Variants in DBNL observed in about 807,000 individuals in gnomAD.
DBNL encodes the protein drebrin-like protein.
A neutral mutation model predicts 62.2 loss-of-function variants in DBNL; 35 were observed. The observed-to-expected ratio is 0.56, with a 90% CI of 0.43 to 0.75. DBNL has a LOEUF of 0.75. Among genes scored for constraint, DBNL ranks in the 30% least tolerant of loss-of-function variants. The pLI is 0.00. For synonymous variants in DBNL, 197 were observed against 218.0 expected (o/e 0.90, Z 0.85); for missense variants, 495 against 578.4 (o/e 0.86, Z 1.48).
chr7:44,044,772 T>C lies in DBNL; in HGVS notation c.35T>C (p.Leu12Pro). Residue 12 changes from leucine to proline, a missense_variant, in exon 1 of 13, where the codon CTG becomes CCG. Leu to Pro is a moderately conservative substitution (Grantham distance 98). Transcript: ENST00000448521. The stretch of plus-strand genomic sequence containing the variant: ...AACCTGAGCCGGAACGGGCCAGCGC[T>C]GCAAGAGGCCTACGTGCGGGTGGTC... ...AANLSRNGPA[L>P]QEAYVRVVTE... 6.6e-7 allele frequency: 1 copy of C among 1,506,846 alleles called. No homozygotes were observed. The highest frequency in any genetic ancestry group is 8.9e-7 in the Non-Finnish European group (1 of 1,128,578). The allele number at this position is 1,506,846 out of a possible 1,614,324, so 93.3% of individuals were successfully genotyped here.
In DBNL at chr7:44,061,430, T is replaced by C. The variant is rs2096148905; in HGVS notation, c.*514T>C. 1 of 158,940 alleles carries C rather than the reference T, an allele frequency of 6.3e-6. No homozygotes were observed. Among genetic ancestry groups the C allele is most frequent in the African/African-American group, 2.4e-5 (1 of 41,536 alleles). 9.8% of individuals were successfully genotyped at this position (158,940 alleles called of 1,614,324 possible). The stretch of plus-strand genomic sequence containing the variant: ...TGGTTTGGCAGCAGGGAATTTGTCT[T>C]GTTGGAGCCTGCTCTGTGCTCCCCA... On this transcript the variant is annotated 3_prime_UTR_variant, in exon 13 of 13. Transcript: ENST00000448521.
chr7:44,068,074 C>A lies in DBNL; in HGVS notation c.*7158C>A, dbSNP rs578243579. The A allele has an allele frequency of 6.6e-6, 1 of 152,132 alleles. No individual in the cohort carries two copies. Among genetic ancestry groups the A allele is most frequent in the East Asian group, 1.9e-4 (1 of 5,186 alleles). 9.4% of individuals were successfully genotyped at this position (152,132 alleles called of 1,614,324 possible). On this transcript the variant is annotated 3_prime_UTR_variant, in exon 13 of 13. Coordinates refer to ENST00000448521, the MANE Select transcript of DBNL (RefSeq NM_001014436.3). ...GGAGGTGGCAGTGGTGGCACAGTGA[C>A]GGTAGTGTGAGCTGGGTACGCACTT...
Position 44,065,194 on chromosome 7 carries a change from C to T in DBNL, c.*4278C>T. Reference sequence around the variant, plus strand: ...TGTCGAAGGAGCGCCTCCAGATCTTCACCTGCTCCTCCCCGTGCTTGGCGG... The same window carrying T: ...TGTCGAAGGAGCGCCTCCAGATCTTTACCTGCTCCTCCCCGTGCTTGGCGG... On this transcript the variant is annotated 3_prime_UTR_variant, in exon 13 of 13. Coordinates refer to ENST00000448521, the MANE Select transcript of DBNL (RefSeq NM_001014436.3). 6.2e-7 allele frequency: 1 copy of T among 1,614,134 alleles called. No homozygotes were observed. Among genetic ancestry groups the T allele is most frequent in the Non-Finnish European group, 8.5e-7 (1 of 1,180,038 alleles).
rs1458867564 is a variant in DBNL, at chr7:44,061,353, G to A, written c.*437G>A. 6 of 172,166 alleles carry A rather than the reference G, an allele frequency of 3.5e-5. No homozygotes were observed. The highest frequency in any genetic ancestry group is 2.5e-5 in the Non-Finnish European group (2 of 78,942). The allele number at this position is 172,166 out of a possible 1,614,324, so 10.7% of individuals were successfully genotyped here. ...AGAATGACCCTTGGGAACAGTGAAC[G>A]TAGAGAATTGTTTTTAGCAGAGTTT... On this transcript the variant is annotated 3_prime_UTR_variant, in exon 13 of 13. Coordinates refer to ENST00000448521, the MANE Select transcript of DBNL (RefSeq NM_001014436.3).
intron 1 of DBNL, among the ~76,000 whole-genome samples, chr7:44,047,223 G>A (rs538563234): frequency 8.5e-4 from 129 of 152,216 alleles, no homozygotes; most frequent in Non-Finnish European, 1.7e-3. Flanking sequence ...GGTGGGGTGG[G>A]CTCTGTCTCT....
chr7:44,048,344 T>C (rs1282051511), intron 1 of DBNL, among the ~76,000 whole-genome samples: 1 of 152,202 alleles, frequency 6.6e-6, no homozygotes, highest in Admixed American at 6.5e-5. Context: ...CTCCAGGGAG[T>C]TCCCCCCAGC....
intron 4 of DBNL, among the ~76,000 whole-genome samples, chr7:44,055,738 G>T (rs555032427): frequency 6.6e-6 from 1 of 152,114 alleles, no homozygotes; most frequent in Non-Finnish European, 1.5e-5. Context: ...AAGGTCTTTT[G>T]CCCATTTTAA....
chr7:44,051,019 CATGTG>C (rs937305498), intron 2 of DBNL: 4 of 152,298 alleles, frequency 2.6e-5, no homozygotes, highest in African/African-American at 9.7e-5. Flanking sequence ...GAACAGTAGA[CATGTG>C]GTGTGGCAGG....
rs2096148030 is a variant in DBNL at position 44,061,040 on chromosome 7, A to G, written c.*124A>G. ...GGACCCCCAGTGAGGATGAGGCCTC[A>G]GGGCTCCCTCCGGCTTGGCAGACTC... On this transcript the variant is annotated 3_prime_UTR_variant, in exon 13 of 13. Coordinates refer to ENST00000448521, the MANE Select transcript of DBNL (RefSeq NM_001014436.3). 1 of 1,351,074 alleles carries G rather than the reference A, an allele frequency of 7.4e-7. No homozygotes were observed. Among genetic ancestry groups the G allele is most frequent in the South Asian group, 1.5e-5 (1 of 67,720 alleles). 83.7% of individuals were successfully genotyped at this position (1,351,074 alleles called of 1,614,324 possible).
chr7:44,058,110 G>A lies in DBNL; in HGVS notation c.553-19G>A, dbSNP rs779689553. 1 of 1,552,436 alleles carries A rather than the reference G, an allele frequency of 6.4e-7. No individual in the cohort carries two copies. The highest frequency in any genetic ancestry group is 1.2e-5 in the South Asian group (1 of 84,126). On this transcript the variant is annotated intron_variant, in intron 6 of 12. Coordinates refer to ENST00000448521, the MANE Select transcript of DBNL (RefSeq NM_001014436.3). ...GAAGTGGCAGCATAGGGCTGAGCGG[G>A]CAGTGGCTCTCCCTGCAGAAGGAGG... is the stretch of plus-strand genomic sequence containing the variant.
At position 44,052,961 on chromosome 7, in the gene DBNL, G is replaced by A. The variant is rs376772715; in HGVS notation, c.327+20G>A. On this transcript the variant is annotated intron_variant, in intron 4 of 12. Transcript: ENST00000448521. ...CTGAAGGTAAGGCCAGGTGAGGCCCGCTTCACTGGGAACAGGCCTCACAGG... is the reference window on the plus strand; with the variant it reads ...CTGAAGGTAAGGCCAGGTGAGGCCCACTTCACTGGGAACAGGCCTCACAGG... 2.1e-5 allele frequency: 34 copies of A among 1,607,072 alleles called. No homozygotes were observed. Among genetic ancestry groups the A allele is most frequent in the African/African-American group, 5.3e-5 (4 of 74,852 alleles).
intron 4 of DBNL, among the ~76,000 whole-genome samples, chr7:44,053,751 A>C (rs984491770): frequency 2.3e-4 from 34 of 148,264 alleles, no homozygotes; most frequent in African/African-American, 8.0e-4. Context: ...ATCTTGGCTC[A>C]CTGCAAGCTC....
chr7:44,045,844 T>C (rs892219758), intron 1 of DBNL, among the ~76,000 whole-genome samples: 1 of 152,262 alleles, frequency 6.6e-6, no homozygotes, highest in African/African-American at 2.4e-5. Flanking sequence ...GGAAGAGCTT[T>C]AGAACACCAG....
chr7:44,062,546 C>T lies in DBNL; in HGVS notation c.*1630C>T. ...ACCACAGGCTTGTCCTGACTGCAAA[C>T]TCATGGAGTGGTTGCAGCCCTGGCT... On this transcript the variant is annotated 3_prime_UTR_variant, in exon 13 of 13. Transcript: ENST00000448521. The T allele has an allele frequency of 1.7e-6, 1 of 592,024 alleles. No individual in the cohort carries two copies. The highest frequency in any genetic ancestry group is 3.0e-6 in the Non-Finnish European group (1 of 329,862). The allele number at this position is 592,024 out of a possible 1,614,324, so 36.7% of individuals were successfully genotyped here. A position where few individuals can be genotyped will look rare whatever the true frequency, so the allele number is the denominator to read the frequency against.
chr7:44,063,044 C>T lies in DBNL; in HGVS notation c.*2128C>T. On this transcript the variant is annotated 3_prime_UTR_variant, in exon 13 of 13. Transcript: ENST00000448521. ...CCAGTTCCCCTGGCACCAATTCCTT[C>T]CCAGCCCTGAGAACGAGGCCACAGA... 8.8e-7 allele frequency: 1 copy of T among 1,138,936 alleles called. No homozygotes were observed. The highest frequency in any genetic ancestry group is 1.3e-6 in the Non-Finnish European group (1 of 757,032). The allele number at this position is 1,138,936 out of a possible 1,614,324, so 70.6% of individuals were successfully genotyped here. A position where few individuals can be genotyped will look rare whatever the true frequency, so the allele number is the denominator to read the frequency against.
Position 44,066,379 on chromosome 7 carries a change from G to C in DBNL, c.*5463G>C, listed in dbSNP as rs149049095. 2,321 of 152,660 alleles carry C rather than the reference G, an allele frequency of 0.015. 32 individuals carry two copies. Among genetic ancestry groups the C allele is most frequent in the Non-Finnish European group, 0.023 (1,575 of 68,284 alleles). 9.5% of individuals were successfully genotyped at this position (152,660 alleles called of 1,614,324 possible). A position where few individuals can be genotyped will look rare whatever the true frequency, so the allele number is the denominator to read the frequency against. On this transcript the variant is annotated 3_prime_UTR_variant, in exon 13 of 13. Transcript: ENST00000448521. ...CACAACGTAGGCTGAAGGGTGGCAC[G>C]GAGTTGAGTCTAGGACCAAGACTTC...
intron 5 of DBNL, 47 bp downstream of exon 5, chr7:44,056,950 G>A (rs755096319): frequency 4.3e-6 from 7 of 1,609,806 alleles, no homozygotes; most frequent in Non-Finnish European, 5.9e-6. Flanking sequence ...CTCAGGGCCT[G>A]AGGCAGGGGG....
chr7:44,051,200 C>T (rs1022395707), intron 2 of DBNL: 8 of 152,668 alleles, frequency 5.2e-5, no homozygotes, highest in African/African-American at 1.7e-4. Flanking sequence ...TCAGCTCTTC[C>T]TCCTTATAAC....
In DBNL at chr7:44,052,941, G is replaced by GGTAA. The variant is rs778822342; in HGVS notation, c.327+2_327+5dup. ...TCAGCACCATGGCCAGCTTCCTGAA[G>GGTAA]GTAAGGCCAGGTGAGGCCCGCTTCA... is the stretch of plus-strand genomic sequence containing the variant. On this transcript the variant is annotated frameshift_variant and splice_region_variant. Transcript: ENST00000448521. LOFTEE classifies it high-confidence loss of function. The GGTAA allele has an allele frequency of 3.1e-6, 5 of 1,612,270 alleles. No individual in the cohort carries two copies. The highest frequency in any genetic ancestry group is 4.2e-6 in the Non-Finnish European group (5 of 1,179,740).
Sources: gnomAD v4.1 joint callset for allele counts (sites outside exome capture counted in the v4.1 genomes callset) on GRCh38, gnomAD v4.1.1 for gene constraint, MANE v1.5 for transcripts, NCBI Gene and HGNC (gene_info 2026-07-23, HGNC 2026-07-21) for gene names.